Variants in SCHIP1 observed in about 807,000 individuals in gnomAD.
SCHIP1 encodes the protein schwannomin interacting protein 1, also known as schwannomin-interacting protein 1.
In SCHIP1, 8 loss-of-function variants were observed where a neutral mutation model predicts 29.7. The observed-to-expected ratio is 0.27, with a 90% CI of 0.16 to 0.49. The LOEUF is 0.49. SCHIP1 is among the 20% of genes least tolerant of loss of function. The pLI is 0.99. For missense variants in SCHIP1, 193 were observed against 294.6 expected, an observed-to-expected ratio of 0.66 and a Z score of 2.52; for synonymous variants, 76 against 94.9, an observed-to-expected ratio of 0.80 and a Z score of 1.16.
the SCHIP1 span, among the ~76,000 whole-genome samples, chr3:159,379,812 C>A: frequency 6.6e-6 from 1 of 152,154 alleles, no homozygotes; most frequent in African/African-American, 2.4e-5. Flanking sequence ...GTGCCTTCAA[C>A]TCTGAGAAGA....
At chr3:159,273,482 C>G in the SCHIP1 span, 1 of 1,084,558 alleles carries the variant, frequency 9.2e-7, no homozygotes, top group Non-Finnish European at 1.1e-6. Context: ...AGATCAAGAA[C>G]TTTTCTGGAA....
the SCHIP1 span, among the ~76,000 whole-genome samples, chr3:159,791,755 C>T: frequency 2.0e-5 from 3 of 152,200 alleles, no homozygotes; most frequent in Non-Finnish European, 2.9e-5. Flanking sequence ...GTTGTATTCA[C>T]TTATCTGACT....
the SCHIP1 span, among the ~76,000 whole-genome samples, chr3:159,728,225 T>C: frequency 4.6e-5 from 7 of 152,042 alleles, no homozygotes; most frequent in African/African-American, 1.7e-4. Flanking sequence ...ATTCTGGGAG[T>C]TGATCACACC....
At chr3:159,416,052 C>T in the SCHIP1 span, among the ~76,000 whole-genome samples, 1 of 152,158 alleles carries the variant, frequency 6.6e-6, no homozygotes, top group Non-Finnish European at 1.5e-5. Context: ...TGATGGCCTC[C>T]AGGATTTCGC....
At chr3:159,525,503 A>G in the SCHIP1 span, among the ~76,000 whole-genome samples, 1 of 152,246 alleles carries the variant, frequency 6.6e-6, no homozygotes, top group African/African-American at 2.4e-5. Flanking sequence ...TTGAATGGTC[A>G]TAGCAAACAC....
the SCHIP1 span, among the ~76,000 whole-genome samples, chr3:159,801,827 T>C: frequency 5.9e-5 from 9 of 151,978 alleles, no homozygotes; most frequent in African/African-American, 1.9e-4. Flanking sequence ...CTGCACGAGG[T>C]AGGAAAAAAA....
the SCHIP1 span, among the ~76,000 whole-genome samples, chr3:159,601,340 T>C: frequency 8.5e-5 from 13 of 152,190 alleles, no homozygotes; most frequent in Admixed American, 7.9e-4. Flanking sequence ...ATTATCAGTC[T>C]TTTCTGCTCT....
the SCHIP1 span, among the ~76,000 whole-genome samples, chr3:159,799,063 C>T: frequency 4.7e-4 from 71 of 152,298 alleles, no homozygotes; most frequent in African/African-American, 1.6e-3. Context: ...GAGAGGGAGA[C>T]ACTGAACAGG....
chr3:159,573,009 T>G, the SCHIP1 span, among the ~76,000 whole-genome samples: 2 of 152,076 alleles, frequency 1.3e-5, no homozygotes, highest in African/African-American at 4.8e-5. Context: ...TGTGCATCTT[T>G]GCATGTGAGA....
chr3:159,438,739 T>C, the SCHIP1 span, among the ~76,000 whole-genome samples: 2 of 152,094 alleles, frequency 1.3e-5, no homozygotes, highest in Non-Finnish European at 2.9e-5. Flanking sequence ...GAACACATGG[T>C]ATTTGGTTTT....
intron 2 of SCHIP1, among the ~76,000 whole-genome samples, chr3:159,872,948 C>A (rs1715429123): frequency 6.6e-6 from 1 of 152,180 alleles, no homozygotes; most frequent in Admixed American, 6.5e-5. Flanking sequence ...GATGTCAGAA[C>A]ATTGAGTTCA....
the SCHIP1 span, among the ~76,000 whole-genome samples, chr3:159,557,842 A>G: frequency 6.6e-6 from 1 of 152,208 alleles, no homozygotes; most frequent in Non-Finnish European, 1.5e-5. Context: ...TATAAACTAA[A>G]CTTTCCTCAA....
the SCHIP1 span, among the ~76,000 whole-genome samples, chr3:159,759,162 C>A: frequency 0.29 from 43,571 of 152,030 alleles, 6,387 homozygotes; most frequent in South Asian, 0.36. Flanking sequence ...TTTTAAAGGA[C>A]ATATTTTCAT....
the SCHIP1 span, among the ~76,000 whole-genome samples, chr3:159,651,577 T>A: frequency 1.3e-5 from 2 of 152,322 alleles, no homozygotes; most frequent in Non-Finnish European, 2.9e-5. Context: ...TGCATTTTTG[T>A]TTCTATAAGT....
chr3:159,804,089 G>C, the SCHIP1 span, among the ~76,000 whole-genome samples: 6 of 152,190 alleles, frequency 3.9e-5, no homozygotes, highest in Non-Finnish European at 7.3e-5. Flanking sequence ...GGAAAGCAGA[G>C]AGGTCAAGTC....
chr3:159,313,245 C>G, the SCHIP1 span, among the ~76,000 whole-genome samples: 1 of 152,164 alleles, frequency 6.6e-6, no homozygotes, highest in Non-Finnish European at 1.5e-5. Context: ...AAGCAAGATA[C>G]GCAGGAAAGA....
At chr3:159,363,366 T>G in the SCHIP1 span, among the ~76,000 whole-genome samples, 1 of 151,908 alleles carries the variant, frequency 6.6e-6, no homozygotes, top group African/African-American at 2.4e-5. Context: ...AAGAGCAGAG[T>G]GAAATATGGA....
chr3:159,431,523 C>A, the SCHIP1 span, among the ~76,000 whole-genome samples: 1 of 151,816 alleles, frequency 6.6e-6, no homozygotes, highest in Non-Finnish European at 1.5e-5. Context: ...AGGTTGAAAT[C>A]CAAATTACTA....
At chr3:159,416,539 AT>A in the SCHIP1 span, among the ~76,000 whole-genome samples, 1 of 152,178 alleles carries the variant, frequency 6.6e-6, no homozygotes, top group Non-Finnish European at 1.5e-5. Context: ...TTTGTTGTTC[AT>A]ACTTTCTTGA....
Sources: allele counts gnomAD v4.1 joint callset (sites outside exome capture counted in the v4.1 genomes callset), GRCh38; gene constraint gnomAD v4.1.1; transcripts MANE v1.5; gene names NCBI Gene and HGNC (gene_info 2026-07-23, HGNC 2026-07-21).